Variants in SOS1 observed in about 807,000 individuals in gnomAD.
SOS1 encodes son of sevenless homolog 1.
SOS1 carries 25 observed loss-of-function variants against 157.6 expected under a neutral mutation model. That is an observed-to-expected ratio of 0.16 (90% CI 0.12 to 0.22). The LOEUF is 0.22. Among genes scored for constraint, SOS1 ranks in the 10% least tolerant of loss-of-function variants. The pLI, the probability that SOS1 is intolerant of heterozygous loss-of-function variation, is 1.00. For synonymous variants in SOS1, 528 were observed against 534.0 expected, an observed-to-expected ratio of 0.99 and a Z score of 0.16; for missense variants, 1,237 against 1,599.1, an observed-to-expected ratio of 0.77 and a Z score of 3.86.
chr2:39,015,740 G>T (rs1179202469), intron 10 of SOS1, among the ~76,000 whole-genome samples: 1 of 151,798 alleles, frequency 6.6e-6, no homozygotes, highest in Non-Finnish European at 1.5e-5. Context: ...CCCATAATAG[G>T]GGGGAGAAAT....
intron 6 of SOS1, among the ~76,000 whole-genome samples, chr2:39,040,201 T>C (rs924259972): frequency 6.6e-6 from 1 of 151,806 alleles, no homozygotes; most frequent in Non-Finnish European, 1.5e-5. Flanking sequence ...TATTTTTTAG[T>C]AGAGATGGCG....
intron 17 of SOS1, among the ~76,000 whole-genome samples, chr2:39,002,367 A>G (rs1355524528): frequency 6.6e-6 from 1 of 152,184 alleles, no homozygotes; most frequent in Non-Finnish European, 1.5e-5. Flanking sequence ...AAGTTTATAA[A>G]GATCTGAGAG....
chr2:38,996,066 T>A (rs1668879347), intron 19 of SOS1, among the ~76,000 whole-genome samples: 1 of 152,148 alleles, frequency 6.6e-6, no homozygotes, highest in South Asian at 2.1e-4. Flanking sequence ...TTAGAAGCCA[T>A]CTATGTTTAA....
chr2:39,051,676 T>C (rs186764825), intron 5 of SOS1, among the ~76,000 whole-genome samples: 2 of 152,316 alleles, frequency 1.3e-5, no homozygotes, highest in Non-Finnish European at 2.9e-5. Context: ...TTAACATAAA[T>C]AGCACTTTTA....
intron 1 of SOS1, among the ~76,000 whole-genome samples, chr2:39,109,837 G>A (rs529687632): frequency 1.3e-5 from 2 of 152,094 alleles, no homozygotes; most frequent in Non-Finnish European, 2.9e-5. Flanking sequence ...ATCTGCCATG[G>A]TTCATTAACA....
intron 10 of SOS1, among the ~76,000 whole-genome samples, chr2:39,016,292 CCGTT>C (rs1415489029): frequency 1.1e-4 from 16 of 152,162 alleles, no homozygotes; most frequent in Middle Eastern, 3.4e-3. Context: ...GTCCCCTTCT[CCGTT>C]AGCTTTATAC....
Position 39,097,843 on chromosome 2 carries a change from G to C in SOS1, c.87+22493C>G, listed in dbSNP as rs139797276. 7.3e-3 allele frequency among the ~76,000 whole-genome samples: 1,114 copies of C among 152,316 alleles called. 12 individuals are homozygous for C. Among genetic ancestry groups the C allele is most frequent in the African/African-American group, 0.026 (1,071 of 41,582 alleles). ...GCCTCCCAAAGTGCTGGGATTACAG[G>C]TGTGAGCCACTTTGCCCAGTGAAGT... On this transcript the variant is annotated intron_variant, in intron 1 of 22. Coordinates refer to ENST00000402219, the MANE Select transcript of SOS1 (RefSeq NM_005633.4).
chr2:39,020,687 T>G (rs1293632622), intron 10 of SOS1, among the ~76,000 whole-genome samples: 1 of 151,718 alleles, frequency 6.6e-6, no homozygotes, highest in Non-Finnish European at 1.5e-5. Context: ...AGTTCACAGA[T>G]GGTCTATTAA....
intron 6 of SOS1, among the ~76,000 whole-genome samples, chr2:39,046,378 GT>G (rs1670783830): frequency 6.6e-6 from 1 of 151,658 alleles, no homozygotes; most frequent in Non-Finnish European, 1.5e-5. Context: ...TAGAAATATA[GT>G]TTAGTCTTTC....
intron 1 of SOS1, among the ~76,000 whole-genome samples, chr2:39,109,535 A>G (rs1400144790): frequency 1.3e-5 from 2 of 152,162 alleles, no homozygotes; most frequent in Non-Finnish European, 2.9e-5. Context: ...TTAAAAAGCT[A>G]AGGTTCAGGA....
intron 6 of SOS1, among the ~76,000 whole-genome samples, chr2:39,040,520 A>G (rs1257330664): frequency 1.3e-5 from 2 of 151,834 alleles, no homozygotes; most frequent in African/African-American, 4.8e-5. Flanking sequence ...GGTAACTTCT[A>G]TTTTCTGTCT....
In SOS1 at chr2:38,995,254, T is replaced by G. The variant is rs142342797; in HGVS notation, c.3215A>C (p.Glu1072Ala). The change falls in exon 20 of 23, where the codon GAA (glutamate) becomes GCA (alanine). Residue 1072 changes from glutamate to alanine, a missense_variant. Glu to Ala is a moderately radical substitution (Grantham distance 107). Coordinates refer to ENST00000402219, the MANE Select transcript of SOS1 (RefSeq NM_005633.4). Reference sequence around the variant, plus strand: ...TGGTGCAGATGCTGTACTTTCTGTTTCACTTTCAGGGATCCTACTATAACT... The same window carrying G: ...TGGTGCAGATGCTGTACTTTCTGTTGCACTTTCAGGGATCCTACTATAACT... ...KISYSRIPES[E>A]TESTASAPNS... is the part of the protein sequence containing the mutation. 6.2e-7 allele frequency: 1 copy of G among 1,613,948 alleles called. No homozygotes were observed. The highest frequency in any genetic ancestry group is 1.3e-5 in the African/African-American group (1 of 74,906).
rs1197397309 is a variant in SOS1 at position 39,006,347 on chromosome 2, AT to A, written c.2791+64del. Reference sequence around the variant, plus strand: ...ATATTACACATGTAATTATTCAGTCATTTAATGAAATGAGTGTTTTGTTTTA... The same window carrying A: ...ATATTACACATGTAATTATTCAGTCATTAATGAAATGAGTGTTTTGTTTTA... On this transcript the variant is annotated intron_variant, in intron 17 of 22. Transcript: ENST00000402219. 4.8e-6 allele frequency: 4 copies of A among 836,740 alleles called. No homozygotes were observed. In the African/African-American group the frequency reaches 6.6e-5, roughly 14 times the overall value. The allele number at this position is 836,740 out of a possible 1,614,324, so 51.8% of individuals were successfully genotyped here.
intron 6 of SOS1, among the ~76,000 whole-genome samples, chr2:39,037,076 A>C (rs1572842871): frequency 6.6e-6 from 1 of 152,266 alleles, no homozygotes; most frequent in East Asian, 1.9e-4. Context: ...GTAAACTTCC[A>C]AGTCATACTG....
chr2:39,113,987 T>C (rs1673541878), intron 1 of SOS1, among the ~76,000 whole-genome samples: 1 of 152,250 alleles, frequency 6.6e-6, no homozygotes, highest in Non-Finnish European at 1.5e-5. Flanking sequence ...ATAAAACTGC[T>C]CTGACATAGT....
At chr2:39,020,485 A>C (rs1487498253) in intron 10 of SOS1, among the ~76,000 whole-genome samples, 1 of 151,770 alleles carries the variant, frequency 6.6e-6, no homozygotes, top group East Asian at 1.9e-4. Flanking sequence ...GCTTTGTTTC[A>C]GTGTAAGCCA....
intron 1 of SOS1, among the ~76,000 whole-genome samples, chr2:39,070,505 C>A (rs568189923): frequency 7.9e-5 from 12 of 152,276 alleles, no homozygotes; most frequent in Admixed American, 2.6e-4. Flanking sequence ...CCTAAGTAAC[C>A]TCATTTACTT....
intron 20 of SOS1, among the ~76,000 whole-genome samples, chr2:38,991,409 A>G (rs895025364): frequency 2.0e-5 from 3 of 152,216 alleles, no homozygotes; most frequent in Non-Finnish European, 2.9e-5. Context: ...AGGGATGGAA[A>G]TGGAGAAGTC....
rs773259949 is a variant in SOS1, at chr2:39,014,785, T to C, written c.1920A>G (p.Leu640=). 1.9e-6 allele frequency: 3 copies of C among 1,580,098 alleles called. No homozygotes were observed. Among genetic ancestry groups the C allele is most frequent in the Non-Finnish European group, 1.7e-6 (2 of 1,149,800 alleles). Residue 640 remains leucine, a synonymous_variant, in exon 11 of 23, where the codon CTA becomes CTG. Coordinates refer to ENST00000402219, the MANE Select transcript of SOS1 (RefSeq NM_005633.4). ...CAGACCTTTCTATTATAAGACTCAG[T>C]AGTTCTTGAGGTTTGCAAAAGGATC... The part of the protein sequence containing the change: ...TYRSFCKPQE[L]LSLIIERFEI...
Sources: gnomAD v4.1 joint callset for allele counts (sites outside exome capture counted in the v4.1 genomes callset) on GRCh38, gnomAD v4.1.1 for gene constraint, MANE v1.5 for transcripts, NCBI Gene and HGNC (gene_info 2026-07-23, HGNC 2026-07-21) for gene names.